SVEP1: variants seen among roughly 807,000 people sequenced by gnomAD.
SVEP1 encodes the protein sushi, von Willebrand factor type A, EGF and pentraxin domain containing 1, also known as sushi, von Willebrand factor type A, EGF and pentraxin domain-containing protein 1.
A neutral mutation model predicts 367.3 loss-of-function variants in SVEP1; 164 were observed. That is an observed-to-expected ratio of 0.45 (90% CI 0.39 to 0.51). The LOEUF is 0.51. Ranked by LOEUF, SVEP1 falls within the 20% of genes least tolerant of loss-of-function variation. SVEP1 has a pLI of 0.00. For synonymous variants in SVEP1, 1,666 were observed against 1,611.6 expected (o/e 1.03, Z -0.81); for missense variants, 4,117 against 4,425.3 (o/e 0.93, Z 1.98).
chr9:110,516,150 T>A (rs535757953), intron 3 of SVEP1, among the ~76,000 whole-genome samples: 2 of 138,026 alleles, frequency 1.4e-5, no homozygotes, highest in South Asian at 2.3e-4. Flanking sequence ...AAAACTAAAA[T>A]ATAATATACT....
chr9:110,408,032 G>C lies in SVEP1; in HGVS notation c.7568C>G (p.Ser2523Cys). 6.2e-7 allele frequency: 1 copy of C among 1,614,014 alleles called. No homozygotes were observed. The highest frequency in any genetic ancestry group is 8.5e-7 in the Non-Finnish European group (1 of 1,179,890). Reference sequence around the variant, plus strand: ...TTCGAGCCGAAAGCCTCGGTTGCAAGAGTAGGTAACGGTCTGTCCATAGTG... The same window carrying C: ...TTCGAGCCGAAAGCCTCGGTTGCAACAGTAGGTAACGGTCTGTCCATAGTG... ...DLHYGQTVTYSCNRGFRLEGP... is the reference protein window; with the variant it reads ...DLHYGQTVTYCCNRGFRLEGP... The change falls in exon 38 of 48, where the codon TCT becomes TGT. Residue 2523 changes from serine (S) to cysteine (C), a missense_variant. By Grantham distance (112) the Ser-to-Cys change is moderately radical (BLOSUM62 -1). Coordinates refer to ENST00000374469, the MANE Select transcript of SVEP1 (RefSeq NM_153366.4).
intron 27 of SVEP1, among the ~76,000 whole-genome samples, chr9:110,438,465 A>G (rs1250882621): frequency 8.5e-5 from 13 of 152,134 alleles, no homozygotes; most frequent in Non-Finnish European, 1.9e-4. Context: ...TCAGCCTCCC[A>G]AAGTACTGGG....
At chr9:110,450,572 C>T (rs996350083) in intron 23 of SVEP1, among the ~76,000 whole-genome samples, 2 of 145,766 alleles carry the variant, frequency 1.4e-5, no homozygotes, top group East Asian at 2.1e-4. Flanking sequence ...TAGGTTCAAG[C>T]GATTCTCCTG....
intron 1 of SVEP1, among the ~76,000 whole-genome samples, chr9:110,572,789 CAAAAAAAAAAAA>C (rs56077443): frequency 3.8e-4 from 29 of 76,524 alleles, no homozygotes; most frequent in African/African-American, 1.3e-3. Context: ...CTCTCTCTCA[CAAAAAAAAAAAA>C]AAAAAAAAAA....
chr9:110,562,498 C>G (rs1332235706), intron 1 of SVEP1, among the ~76,000 whole-genome samples: 3 of 152,044 alleles, frequency 2.0e-5, no homozygotes. Flanking sequence ...GTAAGATAAT[C>G]TCAAATGGCC....
intron 40 of SVEP1, among the ~76,000 whole-genome samples, chr9:110,393,962 A>T (rs1827712464): frequency 6.6e-6 from 1 of 152,214 alleles, no homozygotes. Context: ...AGACGGCAGT[A>T]ACTCTGAAGA....
At chr9:110,431,371 C>T (rs1300690316) in intron 32 of SVEP1, among the ~76,000 whole-genome samples, 2 of 152,108 alleles carry the variant, frequency 1.3e-5, no homozygotes, top group East Asian at 3.8e-4. Context: ...TTCATATAGA[C>T]ATCTTATTGT....
chr9:110,487,887 C>T (rs1438334731), intron 9 of SVEP1, among the ~76,000 whole-genome samples: 4 of 152,242 alleles, frequency 2.6e-5, no homozygotes, highest in African/African-American at 9.6e-5. Context: ...TGAACATGAA[C>T]CCAACCAGCT....
intron 1 of SVEP1, among the ~76,000 whole-genome samples, chr9:110,554,165 C>T: frequency 6.7e-6 from 1 of 149,858 alleles, no homozygotes; most frequent in Middle Eastern, 3.4e-3. Context: ...GCTGCTATAG[C>T]TTTATACTAT....
At chr9:110,506,498 A>G (rs1829628121) in intron 5 of SVEP1, among the ~76,000 whole-genome samples, 1 of 152,188 alleles carries the variant, frequency 6.6e-6, no homozygotes, top group African/African-American at 2.4e-5. Flanking sequence ...TACCATTGCC[A>G]TGCCCTCTAG....
chr9:110,392,858 G>A (rs562611012), intron 40 of SVEP1, among the ~76,000 whole-genome samples: 1 of 152,280 alleles, frequency 6.6e-6, no homozygotes, highest in East Asian at 1.9e-4. Context: ...TGGGAGCCTT[G>A]TCCAGTGGCT....
intron 3 of SVEP1, among the ~76,000 whole-genome samples, chr9:110,531,542 G>A (rs918818352): frequency 6.6e-6 from 1 of 152,104 alleles, no homozygotes; most frequent in Non-Finnish European, 1.5e-5. Context: ...CTACATGAAG[G>A]ATATGTTTAC....
Position 110,558,752 on chromosome 9 carries a change from AAAGTT to A in SVEP1, c.532-8653_532-8649del, listed in dbSNP as rs780822315. ...AAAAATGCCAGAAATTCAAATTGATAAAGTTTAGTACAAATTTTAGTGTAGAAAGC... is the reference window on the plus strand; with the variant it reads ...AAAAATGCCAGAAATTCAAATTGATATAGTACAAATTTTAGTGTAGAAAGC... On this transcript the variant is annotated intron_variant, in intron 1 of 47. Transcript: ENST00000374469. Among the ~76,000 whole-genome samples the A allele has an allele frequency of 2.0e-5, 3 of 152,164 alleles. No individual in the cohort carries two copies. The East Asian group carries it at 5.8e-4, about 29-fold the overall frequency.
At position 110,455,573 on chromosome 9, in the gene SVEP1, G is replaced by A; in HGVS notation, c.3787+17C>T. The A allele has an allele frequency of 2.5e-6, 4 of 1,581,668 alleles. No homozygotes were observed. Among genetic ancestry groups the A allele is most frequent in the Non-Finnish European group, 3.5e-6 (4 of 1,157,210 alleles). The stretch of plus-strand genomic sequence containing the variant: ...TCAAAGATTTATATTGTTGAAAACA[G>A]GAGACCTTCCCCTTACCTGTGTAAC... On this transcript the variant is annotated intron_variant, in intron 22 of 47. Transcript: ENST00000374469.
intron 2 of SVEP1, among the ~76,000 whole-genome samples, chr9:110,546,669 C>T (rs1830225317): frequency 6.6e-6 from 1 of 152,174 alleles, no homozygotes; most frequent in Non-Finnish European, 1.5e-5. Flanking sequence ...AGGTCAGGCC[C>T]CAGCAACGAG....
intron 21 of SVEP1, 88 bp downstream of exon 21, chr9:110,457,166 GAT>G: frequency 1.9e-6 from 2 of 1,048,530 alleles, no homozygotes; most frequent in Non-Finnish European, 2.7e-6. Flanking sequence ...TATCTTATCG[GAT>G]ATAGTTAATG....
rs569112497 is a variant in SVEP1 at position 110,455,006 on chromosome 9, T to TA, written c.3787+583dup. 3.9e-4 allele frequency among the ~76,000 whole-genome samples: 60 copies of TA among 152,288 alleles called. 1 individual carries two copies. The highest frequency in any genetic ancestry group is 1.5e-3 in the South Asian group (7 of 4,826). ...AAATAAAGACAAAGATTTTGAATGC[T>TA]AAAAAATAAGATAACACTTAAATAT... On this transcript the variant is annotated intron_variant, in intron 22 of 47. Transcript: ENST00000374469.
chr9:110,383,047 G>A (rs1205107301), intron 43 of SVEP1, among the ~76,000 whole-genome samples: 1 of 152,194 alleles, frequency 6.6e-6, no homozygotes, highest in African/African-American at 2.4e-5. Context: ...ACTTTCTGAA[G>A]CCTACTTCTT....
Position 110,375,381 on chromosome 9 carries a change from A to G in SVEP1, c.10587T>C (p.Ser3529=), listed in dbSNP as rs1827334512. Residue 3529 remains serine (S), a synonymous_variant, in exon 46 of 48, where the codon TCT becomes TCC. Coordinates refer to ENST00000374469, the MANE Select transcript of SVEP1 (RefSeq NM_153366.4). ...QCDCPPGWTG[S]RCHTAVCQSP... ...AAAGAGGCCTACCTGTATGACAGCG[A>G]GACCCCGTCCAGCCAGGCGGGCAGT... The G allele has an allele frequency of 1.3e-6, 2 of 1,520,624 alleles. No homozygotes were observed. Among genetic ancestry groups the G allele is most frequent in the African/African-American group, 2.8e-5 (2 of 71,474 alleles). 94.2% of individuals were successfully genotyped at this position (1,520,624 alleles called of 1,614,324 possible). A position where few individuals can be genotyped will look rare whatever the true frequency, so the allele number is the denominator to read the frequency against.
Sources: allele counts gnomAD v4.1 joint callset (sites outside exome capture counted in the v4.1 genomes callset), GRCh38; gene constraint gnomAD v4.1.1; transcripts MANE v1.5; gene names NCBI Gene and HGNC (gene_info 2026-07-23, HGNC 2026-07-21).